SLC3A1: variants seen among roughly 807,000 people sequenced by gnomAD.
The protein encoded by SLC3A1 is solute carrier family 3 member 1.
SLC3A1 carries 78 observed loss-of-function variants against 60.3 expected under a neutral mutation model. The observed-to-expected ratio is 1.29, with a 90% confidence interval of 1.08 to 1.56. The LOEUF (loss-of-function observed/expected upper bound fraction) is 1.56. SLC3A1 is among the 40% of genes most tolerant of loss of function. The probability of loss-of-function intolerance (pLI) is 0.00; values close to 1 mark genes in which losing one functional copy is unlikely to be tolerated. For missense variants in SLC3A1, 1,172 were observed against 858.9 expected, an observed-to-expected ratio of 1.36 and a Z score of -4.56; for synonymous variants, 392 against 307.9, an observed-to-expected ratio of 1.27 and a Z score of -2.86.
At chr2:44,296,045 T>G (rs1222883085) in intron 4 of SLC3A1, among the ~76,000 whole-genome samples, 1 of 152,202 alleles carries the variant, frequency 6.6e-6, no homozygotes, top group Non-Finnish European at 1.5e-5. Context: ...TGAGAGGTCT[T>G]GAAGCTTAAG....
chr2:44,301,084 C>T lies in SLC3A1; in HGVS notation c.1093C>T (p.Arg365Trp), dbSNP rs765828196. The change falls in exon 6 of 10, where the codon CGG becomes TGG. Residue 365 changes from arginine to tryptophan, a missense_variant. Coordinates refer to ENST00000260649, the MANE Select transcript of SLC3A1 (RefSeq NM_000341.4). Reference sequence around the variant, plus strand: ...AATGCACGACATTGTCCGCAGCTTCCGGCAGACCATGGACCAATACAGCAC... The same window carrying T: ...AATGCACGACATTGTCCGCAGCTTCTGGCAGACCATGGACCAATACAGCAC... Reference protein sequence around the residue: ...VGMHDIVRSFRQTMDQYSTEP... With the variant: ...VGMHDIVRSFWQTMDQYSTEP... The T allele has an allele frequency of 1.7e-5, 28 of 1,614,010 alleles. No individual in the cohort carries two copies. Among genetic ancestry groups the T allele is most frequent in the African/African-American group, 6.7e-5 (5 of 74,866 alleles).
chr2:44,299,859 G>A, intron 4 of SLC3A1, 112 bp from the exon 5 acceptor site: 1 of 1,073,128 alleles, frequency 9.3e-7, no homozygotes, highest in South Asian at 1.3e-5. Flanking sequence ...TGCTTGTTCT[G>A]TATGTAGATA....
chr2:44,295,872 T>C (rs1261388072), intron 4 of SLC3A1, among the ~76,000 whole-genome samples: 2 of 152,180 alleles, frequency 1.3e-5, no homozygotes, highest in Admixed American at 6.5e-5. Context: ...CAACCAATGT[T>C]CACACTTTTA....
In SLC3A1 at chr2:44,314,074, T is replaced by C. The variant is rs751512927; in HGVS notation, c.1617+123T>C. On this transcript the variant is annotated intron_variant, in intron 9 of 9. Transcript: ENST00000260649. ...GATACTCTTTAAATCAATCACAGACTTCCTTGCAGTTTTCCATTTGTAAGG... is the reference window on the plus strand; with the variant it reads ...GATACTCTTTAAATCAATCACAGACCTCCTTGCAGTTTTCCATTTGTAAGG... 3 of 1,551,798 alleles carry C rather than the reference T, an allele frequency of 1.9e-6. No homozygotes were observed. In the Admixed American group the frequency reaches 5.8e-5, roughly 30 times the overall value.
intron 4 of SLC3A1, among the ~76,000 whole-genome samples, chr2:44,287,032 G>A (rs1207339226): frequency 6.6e-6 from 1 of 152,156 alleles, no homozygotes; most frequent in Non-Finnish European, 1.5e-5. Flanking sequence ...GATAACACAT[G>A]CACGACACTT....
chr2:44,320,312 C>A lies in SLC3A1; in HGVS notation c.1731C>A (p.Ser577Arg), dbSNP rs1324678808. The A allele has an allele frequency of 6.2e-7, 1 of 1,614,034 alleles. No homozygotes were observed. The highest frequency in any genetic ancestry group is 1.1e-5 in the South Asian group (1 of 91,078). Reference sequence around the variant, plus strand: ...GGTTTTGCCATTTGAGGAATGACAGCCACTATGTTGTGTACACAAGAGAGC... The same window carrying A: ...GGTTTTGCCATTTGAGGAATGACAGACACTATGTTGTGTACACAAGAGAGC... ...RGWFCHLRND[S>R]HYVVYTRELD... The change falls in exon 10 of 10, where the codon AGC (serine) becomes AGA (arginine). Residue 577 changes from serine to arginine, a missense_variant. Physicochemically the swap from Ser to Arg is moderately radical, Grantham distance 110. Coordinates refer to ENST00000260649, the MANE Select transcript of SLC3A1 (RefSeq NM_000341.4).
intron 1 of SLC3A1, among the ~76,000 whole-genome samples, chr2:44,276,849 A>T (rs959692284): frequency 1.3e-5 from 2 of 152,234 alleles, no homozygotes; most frequent in African/African-American, 2.4e-5. Flanking sequence ...TACACTGGGA[A>T]CTTCTGAGCA....
intron 7 of SLC3A1, among the ~76,000 whole-genome samples, chr2:44,306,656 T>C (rs952827573): frequency 3.3e-5 from 5 of 149,290 alleles, no homozygotes; most frequent in African/African-American, 1.2e-4. Flanking sequence ...TGGGTTCAAG[T>C]AATTCTCCTG....
At chr2:44,311,902 A>C (rs10174537) in intron 7 of SLC3A1, among the ~76,000 whole-genome samples, 1 of 151,928 alleles carries the variant, frequency 6.6e-6, no homozygotes, top group Non-Finnish European at 1.5e-5. Flanking sequence ...TGTTGTGTGA[A>C]GGAGGGAAAT....
chr2:44,299,851 C>T, intron 4 of SLC3A1, 120 bp from the exon 5 acceptor site: 2 of 1,028,748 alleles, frequency 1.9e-6, no homozygotes, highest in Non-Finnish European at 3.0e-6. Context: ...GAATACTGTG[C>T]TTGTTCTGTA....
intron 7 of SLC3A1, among the ~76,000 whole-genome samples, chr2:44,305,773 C>CT (rs1672139908): frequency 1.3e-5 from 2 of 152,074 alleles, no homozygotes; most frequent in Admixed American, 1.3e-4. Context: ...TAAAATGCCT[C>CT]TTTAGTCTCG....
At chr2:44,316,504 C>T (rs904475950) in intron 9 of SLC3A1, 1 of 152,128 alleles carries the variant, frequency 6.6e-6, no homozygotes, top group African/African-American at 2.4e-5. Flanking sequence ...AAGATAGATA[C>T]AGAATTCCGT....
intron 1 of SLC3A1, among the ~76,000 whole-genome samples, chr2:44,277,385 G>A (rs200412239): frequency 1.3e-5 from 2 of 152,020 alleles, no homozygotes; most frequent in East Asian, 3.9e-4. Context: ...TGGGATTACA[G>A]GCATGAGCCA....
chr2:44,314,328 A>G, intron 9 of SLC3A1: 1 of 476,972 alleles, frequency 2.1e-6, no homozygotes, highest in Non-Finnish European at 3.8e-6. Context: ...GCAGGCAGTA[A>G]GGAGATCAAT....
intron 1 of SLC3A1, among the ~76,000 whole-genome samples, chr2:44,277,418 C>T (rs1443291969): frequency 1.3e-5 from 2 of 152,078 alleles, no homozygotes; most frequent in Non-Finnish European, 1.5e-5. Context: ...GTATCATTCT[C>T]GTTTTAAAAA....
rs1301517112 is a variant in SLC3A1 at position 44,320,816 on chromosome 2, A to T, written c.*177A>T. 1.6e-6 allele frequency: 1 copy of T among 641,610 alleles called. No individual in the cohort carries two copies. The highest frequency in any genetic ancestry group is 2.7e-6 in the Non-Finnish European group (1 of 367,124). 39.7% of individuals were successfully genotyped at this position (641,610 alleles called of 1,614,324 possible). ...ATGTTTTGAAAAAAATAAAATGTTT[A>T]AAAGTAAATTATGGCTTATAGGAGC... is the stretch of plus-strand genomic sequence containing the variant. On this transcript the variant is annotated 3_prime_UTR_variant, in exon 10 of 10. Coordinates refer to ENST00000260649, the MANE Select transcript of SLC3A1 (RefSeq NM_000341.4).
intron 5 of SLC3A1, 116 bp from the exon 6 acceptor site, chr2:44,300,887 A>G (rs1018412554): frequency 1.8e-6 from 2 of 1,132,024 alleles, no homozygotes; most frequent in Non-Finnish European, 2.7e-6. Context: ...ACCATGTTTG[A>G]GTGTGCGTCT....
chr2:44,277,390 G>A (rs755774693), intron 1 of SLC3A1, among the ~76,000 whole-genome samples: 2 of 152,090 alleles, frequency 1.3e-5, no homozygotes, highest in Non-Finnish European at 2.9e-5. Flanking sequence ...TTACAGGCAT[G>A]AGCCACCGCA....
At chr2:44,315,677 C>G (rs1443372199) in intron 9 of SLC3A1, among the ~76,000 whole-genome samples, 3 of 79,188 alleles carry the variant, frequency 3.8e-5, no homozygotes, top group African/African-American at 1.2e-4. Context: ...AAAAAAAAAG[C>G]AGAGAATAGA....
Sources: gnomAD v4.1 joint callset for allele counts (sites outside exome capture counted in the v4.1 genomes callset) on GRCh38, gnomAD v4.1.1 for gene constraint, MANE v1.5 for transcripts, NCBI Gene and HGNC (gene_info 2026-07-23, HGNC 2026-07-21) for gene names.